Variants in BRINP3 observed in about 807,000 individuals in gnomAD.
BRINP3 encodes the protein BMP/retinoic acid-inducible neural-specific protein 3.
Under a neutral mutation model 71.0 loss-of-function variants are expected in BRINP3, and 19 were observed. The ratio of observed to expected loss-of-function variants is 0.27; its 90% CI spans 0.19 to 0.39. The LOEUF is 0.39. Ranked by LOEUF, BRINP3 falls within the 10% of genes least tolerant of loss-of-function variation. The pLI is 1.00. For missense variants in BRINP3, 959 were observed against 940.8 expected, an observed-to-expected ratio of 1.02 and a Z score of -0.25; for synonymous variants, 380 against 337.7, an observed-to-expected ratio of 1.13 and a Z score of -1.37.
At chr1:190,437,202 G>A (rs1043508649) in intron 2 of BRINP3, among the ~76,000 whole-genome samples, 19 of 151,700 alleles carry the variant, frequency 1.3e-4, no homozygotes, top group African/African-American at 2.9e-4. Flanking sequence ...GAAAATACCC[G>A]GTTTCTAGTT....
chr1:190,116,379 A>C (rs17375372), intron 7 of BRINP3, among the ~76,000 whole-genome samples: 7,674 of 152,186 alleles, frequency 0.05, 273 homozygotes, highest in Non-Finnish European at 0.073. Flanking sequence ...ATGCTATGGC[A>C]TGTCACACAC....
chr1:190,459,147 A>AT (rs1398865825), intron 1 of BRINP3, among the ~76,000 whole-genome samples: 4 of 151,446 alleles, frequency 2.6e-5, no homozygotes, highest in African/African-American at 9.7e-5. Flanking sequence ...AAAAAAAAAA[A>AT]AAATAACTGT....
chr1:190,475,843 C>CT (rs71561669), intron 1 of BRINP3: 6,395 of 149,224 alleles, frequency 0.043, 221 homozygotes, highest in African/African-American at 0.097. Context: ...TTTTCTTTTT[C>CT]TTTTTTTTTT....
chr1:190,280,891 T>C lies in BRINP3; in HGVS notation c.427+669A>G, dbSNP rs538422324. On this transcript the variant is annotated intron_variant, in intron 3 of 7. Coordinates refer to ENST00000367462, the MANE Select transcript of BRINP3 (RefSeq NM_199051.3). ...TAGGAAAATGTCATATGTTGCTTAT[T>C]ACACATTATCTCCTAAAAGGTCATT... 4.6e-5 allele frequency among the ~76,000 whole-genome samples: 7 copies of C among 152,090 alleles called. No homozygotes were observed. In the East Asian group the frequency reaches 1.4e-3, roughly 29 times the overall value.
chr1:190,311,835 G>T (rs898934497), intron 2 of BRINP3, among the ~76,000 whole-genome samples: 1 of 150,304 alleles, frequency 6.7e-6, no homozygotes, highest in African/African-American at 2.4e-5. Context: ...AAGTCTATTT[G>T]CACAGATGAA....
chr1:190,318,407 T>C (rs1182264992), intron 2 of BRINP3, among the ~76,000 whole-genome samples: 1 of 152,114 alleles, frequency 6.6e-6, no homozygotes, highest in African/African-American at 2.4e-5. Context: ...TTACAGGAGT[T>C]AGACTATGGA....
At chr1:190,155,003 T>G (rs1656740033) in intron 7 of BRINP3, among the ~76,000 whole-genome samples, 1 of 152,140 alleles carries the variant, frequency 6.6e-6, no homozygotes, top group South Asian at 2.1e-4. Context: ...ATACAGAACT[T>G]GTATCTGCCA....
intron 4 of BRINP3, among the ~76,000 whole-genome samples, chr1:190,257,172 G>A (rs917986047): frequency 1.3e-5 from 2 of 152,096 alleles, no homozygotes; most frequent in Admixed American, 1.3e-4. Flanking sequence ...TTTCTTGGAG[G>A]CTTTGTCCGT....
At chr1:190,358,977 C>G (rs1668941593) in intron 2 of BRINP3, among the ~76,000 whole-genome samples, 1 of 151,736 alleles carries the variant, frequency 6.6e-6, no homozygotes, top group Admixed American at 6.6e-5. Flanking sequence ...CACTTGGACA[C>G]AGGAAGGGGA....
chr1:190,358,951 A>G (rs956587523), intron 2 of BRINP3, among the ~76,000 whole-genome samples: 1 of 152,076 alleles, frequency 6.6e-6, no homozygotes, highest in African/African-American at 2.4e-5. Flanking sequence ...CATAGGTGGG[A>G]ATTGAACAAC....
intron 2 of BRINP3, among the ~76,000 whole-genome samples, chr1:190,315,353 G>A (rs958155984): frequency 2.0e-5 from 3 of 151,980 alleles, no homozygotes; most frequent in African/African-American, 7.3e-5. Context: ...GAGGAAATTC[G>A]ACCTAGTGGA....
chr1:190,358,808 A>G (rs1307392467), intron 2 of BRINP3, among the ~76,000 whole-genome samples: 2 of 152,194 alleles, frequency 1.3e-5, no homozygotes, highest in East Asian at 3.9e-4. Context: ...TGGCACATAT[A>G]CACCATGGAA....
intron 7 of BRINP3, among the ~76,000 whole-genome samples, chr1:190,108,842 C>T (rs558498553): frequency 8.6e-5 from 13 of 151,790 alleles, no homozygotes; most frequent in South Asian, 2.1e-4. Flanking sequence ...TCAGCAATCA[C>T]GCAAATCAAA....
chr1:190,315,754 C>T (rs982110824), intron 2 of BRINP3, among the ~76,000 whole-genome samples: 5 of 152,222 alleles, frequency 3.3e-5, no homozygotes, highest in African/African-American at 9.6e-5. Context: ...GTTTGTCTCT[C>T]ATGCAGTGGA....
At chr1:190,337,107 T>C (rs1667340035) in intron 2 of BRINP3, among the ~76,000 whole-genome samples, 1 of 151,978 alleles carries the variant, frequency 6.6e-6, no homozygotes. Context: ...TGTTTGATGT[T>C]GAAGTTATGT....
chr1:190,108,820 C>T (rs1431874353), intron 7 of BRINP3, among the ~76,000 whole-genome samples: 3 of 151,706 alleles, frequency 2.0e-5, no homozygotes, highest in Non-Finnish European at 4.4e-5. Context: ...AAATGAGTCT[C>T]TTTGGATGAT....
chr1:190,126,590 G>A lies in BRINP3; in HGVS notation c.1185-27456C>T, dbSNP rs893801058. ...TCCCAGTTCACTGACGATGCTCAGT[G>A]TCTTTGCATTTGATATTTATTTCTT... On this transcript the variant is annotated intron_variant, in intron 7 of 7. Coordinates refer to ENST00000367462, the MANE Select transcript of BRINP3 (RefSeq NM_199051.3). 2.0e-5 allele frequency among the ~76,000 whole-genome samples: 3 copies of A among 151,906 alleles called. No homozygotes were observed. In the Admixed American group the frequency reaches 2.0e-4, roughly 10 times the overall value.
intron 2 of BRINP3, among the ~76,000 whole-genome samples, chr1:190,447,403 ATTAATTTCTTT>A (rs1675296479): frequency 2.0e-5 from 3 of 147,496 alleles, no homozygotes; most frequent in Non-Finnish European, 3.0e-5. Flanking sequence ...AATAAGATGT[ATTAATTTCTTT>A]TTAATTTCTT....
In BRINP3 at chr1:190,310,324, T is replaced by C. The variant is rs375789848; in HGVS notation, c.237-28574A>G. On this transcript the variant is annotated intron_variant, in intron 2 of 7. Coordinates refer to ENST00000367462, the MANE Select transcript of BRINP3 (RefSeq NM_199051.3). ...TCATATTCATGTTTACTGAAAATAT[T>C]CCACCATAAGGCATACAGGCTTTCT... is the stretch of plus-strand genomic sequence containing the variant. Among the ~76,000 whole-genome samples the C allele has an allele frequency of 4.6e-5, 7 of 151,820 alleles. No individual in the cohort carries two copies. In the South Asian group the frequency reaches 6.2e-4, roughly 13 times the overall value.
Sources: allele counts gnomAD v4.1 joint callset (sites outside exome capture counted in the v4.1 genomes callset), GRCh38; gene constraint gnomAD v4.1.1; transcripts MANE v1.5; gene names NCBI Gene and HGNC (gene_info 2026-07-23, HGNC 2026-07-21).